DAB1: variants seen among roughly 807,000 people sequenced by gnomAD.
DAB1 encodes the protein disabled homolog 1.
In DAB1, 15 loss-of-function variants were observed where a neutral mutation model predicts 64.6. The observed-to-expected ratio is 0.23, with a 90% CI of 0.16 to 0.36. The LOEUF (loss-of-function observed/expected upper bound fraction) is 0.36, where lower values mean the gene tolerates loss of function less well. Ranked by LOEUF, DAB1 falls within the 10% of genes least tolerant of loss-of-function variation. The pLI is 1.00. For missense variants in DAB1, 596 were observed against 706.7 expected (o/e 0.84, Z 1.78); for synonymous variants, 235 against 251.9 (o/e 0.93, Z 0.64).
intron 1 of DAB1, among the ~76,000 whole-genome samples, chr1:57,875,762 C>T (rs931846698): frequency 3.9e-5 from 6 of 152,160 alleles, no homozygotes; most frequent in Admixed American, 6.5e-5. Flanking sequence ...GGGAATTCTC[C>T]AAGCCATCAC....
intron 3 of DAB1, among the ~76,000 whole-genome samples, chr1:58,353,126 C>T (rs1644074765): frequency 6.6e-6 from 1 of 151,866 alleles, no homozygotes; most frequent in African/African-American, 2.4e-5. Flanking sequence ...CCAAAGGTCC[C>T]CTTCTTTATT....
intron 4 of DAB1, among the ~76,000 whole-genome samples, chr1:57,076,157 A>T (rs1307268051): frequency 6.6e-6 from 1 of 152,156 alleles, no homozygotes; most frequent in East Asian, 1.9e-4. Context: ...CCTAGGGCAT[A>T]AGAACTGCTC....
At chr1:57,502,670 A>G (rs1474548526) in intron 7 of DAB1, among the ~76,000 whole-genome samples, 2 of 152,216 alleles carry the variant, frequency 1.3e-5, no homozygotes, top group African/African-American at 4.8e-5. Flanking sequence ...GTCATTGATC[A>G]AGGACTATCT....
At chr1:57,534,652 C>A (rs1644704298) in intron 7 of DAB1, among the ~76,000 whole-genome samples, 2 of 152,138 alleles carry the variant, frequency 1.3e-5, no homozygotes, top group Non-Finnish European at 2.9e-5. Context: ...GAACAGGAGT[C>A]CTGTCGTGTT....
chr1:57,433,922 T>C (rs1685601293), intron 7 of DAB1, among the ~76,000 whole-genome samples: 1 of 150,064 alleles, frequency 6.7e-6, no homozygotes, highest in African/African-American at 2.4e-5. Flanking sequence ...TCCAGAGGAA[T>C]ATGCAAAGAA....
chr1:58,537,062 T>TTCTCTCTC (rs150887072), intron 1 of DAB1, among the ~76,000 whole-genome samples: 4 of 145,908 alleles, frequency 2.7e-5, no homozygotes, highest in East Asian at 2.0e-4. Context: ...ACATGCAAAA[T>TTCTCTCTC]TCTCTCTCTC....
intron 5 of DAB1, among the ~76,000 whole-genome samples, chr1:58,095,308 A>T (rs1570346131): frequency 1.3e-5 from 2 of 152,302 alleles, no homozygotes; most frequent in East Asian, 3.9e-4. Flanking sequence ...ATGTTCCAGG[A>T]AATATTTTAT....
intron 3 of DAB1, chr1:58,462,599 T>G (rs1161345967): frequency 1.3e-5 from 2 of 152,168 alleles, no homozygotes; most frequent in Non-Finnish European, 2.9e-5. Context: ...AGGGTGGAGT[T>G]AATGATGTAA....
At position 57,999,719 on chromosome 1, in the gene DAB1, C is replaced by A. The variant is rs199796836; in HGVS notation, n.388-115557G>T. The stretch of plus-strand genomic sequence containing the variant: ...CCCCAGGACAAAGAATTTTCCAGCC[C>A]AAATGTCAGTAGTGCTGAGGTTTAA... On this transcript the variant is annotated intron_variant and non_coding_transcript_variant, in intron 5 of 20. Transcript: ENST00000485760. 2.6e-5 allele frequency among the ~76,000 whole-genome samples: 4 copies of A among 152,120 alleles called. No homozygotes were observed. In the East Asian group the frequency reaches 7.8e-4, roughly 29 times the overall value.
At chr1:57,022,120 A>C (rs962681663) in intron 11 of DAB1, among the ~76,000 whole-genome samples, 6 of 152,222 alleles carry the variant, frequency 3.9e-5, no homozygotes, top group Non-Finnish European at 7.3e-5. Context: ...GCACCTACAC[A>C]GGACCTGGAA....
At chr1:58,051,088 G>A (rs2100527742) in intron 5 of DAB1, among the ~76,000 whole-genome samples, 2 of 152,206 alleles carry the variant, frequency 1.3e-5, no homozygotes, top group East Asian at 3.9e-4. Context: ...TAGGGTACAT[G>A]TGCACAAAGT....
At chr1:57,993,993 T>C (rs759609055) in intron 5 of DAB1, among the ~76,000 whole-genome samples, 9 of 152,090 alleles carry the variant, frequency 5.9e-5, no homozygotes, top group Non-Finnish European at 8.8e-5. Flanking sequence ...ACCAAAGAGG[T>C]CTCTCTCCTT....
intron 5 of DAB1, among the ~76,000 whole-genome samples, chr1:58,070,408 G>T (rs1307807656): frequency 6.6e-6 from 1 of 152,200 alleles, no homozygotes; most frequent in East Asian, 1.9e-4. Flanking sequence ...CCATGAGAGA[G>T]GGATACATAC....
chr1:57,316,611 G>A (rs1368789951), intron 1 of DAB1, among the ~76,000 whole-genome samples: 1 of 151,864 alleles, frequency 6.6e-6, no homozygotes, highest in African/African-American at 2.4e-5. Flanking sequence ...CCTCTGCTCG[G>A]ATGTCTCAAA....
At chr1:57,401,996 C>T (rs968306799) in intron 1 of DAB1, among the ~76,000 whole-genome samples, 3 of 152,004 alleles carry the variant, frequency 2.0e-5, no homozygotes, top group Non-Finnish European at 2.9e-5. Context: ...CATAATGACA[C>T]CATTATACAA....
intron 7 of DAB1, among the ~76,000 whole-genome samples, chr1:57,533,818 CA>C (rs1644694245): frequency 6.6e-6 from 1 of 151,790 alleles, no homozygotes; most frequent in South Asian, 2.1e-4. Flanking sequence ...TCATTGTCTT[CA>C]AAAATAGCAC....
intron 5 of DAB1, among the ~76,000 whole-genome samples, chr1:58,097,297 C>A (rs192192592): frequency 1.3e-5 from 2 of 152,324 alleles, no homozygotes; most frequent in Non-Finnish European, 2.9e-5. Flanking sequence ...AGAATTCACA[C>A]CCCGGCCATC....
At position 58,291,191 on chromosome 1, in the gene DAB1, A is replaced by G. The variant is rs147043044; in HGVS notation, n.309+52161T>C. ...AGTCTGAGTCACTCCACAGCCATCA[A>G]AAACAAAGAATTGATGGGACAAGCC... On this transcript the variant is annotated intron_variant and non_coding_transcript_variant, in intron 4 of 20. Transcript: ENST00000485760. 3.8e-3 allele frequency among the ~76,000 whole-genome samples: 585 copies of G among 152,356 alleles called. 3 individuals carry two copies. Among genetic ancestry groups the G allele is most frequent in the African/African-American group, 0.013 (539 of 41,588 alleles).
chr1:57,305,186 G>C (rs1459886349), intron 1 of DAB1, among the ~76,000 whole-genome samples: 2 of 152,182 alleles, frequency 1.3e-5, no homozygotes, highest in Non-Finnish European at 2.9e-5. Flanking sequence ...GAGCAGAACT[G>C]TTACCTCTTC....
Sources: gnomAD v4.1 joint callset for allele counts (sites outside exome capture counted in the v4.1 genomes callset) on GRCh38, gnomAD v4.1.1 for gene constraint, MANE v1.5 for transcripts, NCBI Gene and HGNC (gene_info 2026-07-23, HGNC 2026-07-21) for gene names.